Variants in EXT1 observed in about 807,000 individuals in gnomAD.
EXT1 encodes the protein exostosin-1.
EXT1 carries 20 observed loss-of-function variants against 82.5 expected under a neutral mutation model. That is an observed-to-expected ratio of 0.24 (90% CI 0.17 to 0.35). The LOEUF (loss-of-function observed/expected upper bound fraction) is 0.35. Among genes scored for constraint, EXT1 ranks in the 10% least tolerant of loss-of-function variants. EXT1 has a pLI of 1.00. For synonymous variants in EXT1, 348 were observed against 350.8 expected (o/e 0.99, Z 0.09); for missense variants, 757 against 936.5 (o/e 0.81, Z 2.50).
At position 118,087,939 on chromosome 8, in the gene EXT1, C is replaced by CAAA. The variant is rs10706033; in HGVS notation, c.962+22143_962+22145dup. 5.6e-3 allele frequency among the ~76,000 whole-genome samples: 473 copies of CAAA among 83,888 alleles called. 3 individuals are homozygous for CAAA. The highest frequency in any genetic ancestry group is 0.016 in the African/African-American group (441 of 26,848). The allele number at this position is 83,888 out of a possible 152,430, so 55.0% of individuals were successfully genotyped here. On this transcript the variant is annotated intron_variant, in intron 1 of 10. Coordinates refer to ENST00000378204, the MANE Select transcript of EXT1 (RefSeq NM_000127.3). ...CCTATTTGTTTTATTCGTTTCAGGGCAAAAAAAAAAAAAAAAAAAAATCCT... is the reference window on the plus strand; with the variant it reads ...CCTATTTGTTTTATTCGTTTCAGGGCAAAAAAAAAAAAAAAAAAAAAAAATCCT...
At chr8:117,956,376 G>T (rs1054984609) in intron 1 of EXT1, among the ~76,000 whole-genome samples, 1 of 152,108 alleles carries the variant, frequency 6.6e-6, no homozygotes, top group African/African-American at 2.4e-5. Flanking sequence ...CATTCTATGA[G>T]AATCTACCAA....
At chr8:117,840,886 G>A (rs1812264860) in intron 1 of EXT1, among the ~76,000 whole-genome samples, 1 of 152,118 alleles carries the variant, frequency 6.6e-6, no homozygotes, top group Non-Finnish European at 1.5e-5. Context: ...CACCCACTGG[G>A]ATGGCTATAA....
At chr8:117,938,830 G>A (rs546542706) in intron 1 of EXT1, among the ~76,000 whole-genome samples, 2 of 152,176 alleles carry the variant, frequency 1.3e-5, no homozygotes, top group Non-Finnish European at 2.9e-5. Context: ...ATAAATAAGT[G>A]TTAACACATA....
At chr8:117,907,519 T>C (rs1042958656) in intron 1 of EXT1, among the ~76,000 whole-genome samples, 2 of 152,234 alleles carry the variant, frequency 1.3e-5, no homozygotes, top group African/African-American at 4.8e-5. Flanking sequence ...TGAATTCACC[T>C]GCTTACTGTT....
chr8:118,086,715 CAATGCAAAAAGAT>C (rs554040587), intron 1 of EXT1, among the ~76,000 whole-genome samples: 1 of 151,890 alleles, frequency 6.6e-6, no homozygotes, highest in Non-Finnish European at 1.5e-5. Flanking sequence ...AGTATAATTT[CAATGCAAAAAGAT>C]AATGTAAAAA....
At chr8:117,968,549 A>ATTTATT (rs1814871631) in intron 1 of EXT1, among the ~76,000 whole-genome samples, 1 of 11,318 alleles carries the variant, frequency 8.8e-5, no homozygotes, top group Non-Finnish European at 1.8e-4. Context: ...TTATTTATTT[A>ATTTATT]TTTATTTTTT....
At chr8:117,894,969 T>C (rs186339914) in intron 1 of EXT1, among the ~76,000 whole-genome samples, 162 of 152,256 alleles carry the variant, frequency 1.1e-3, no homozygotes, top group African/African-American at 3.8e-3. Flanking sequence ...TCACTGAATA[T>C]AAATAGGCTG....
chr8:117,894,282 T>G (rs1459583753), intron 1 of EXT1, among the ~76,000 whole-genome samples: 1 of 152,158 alleles, frequency 6.6e-6, no homozygotes, highest in Admixed American at 6.5e-5. Context: ...CAAGCAATCC[T>G]TCTGCCGCAG....
At chr8:117,846,706 C>T (rs978877170) in intron 1 of EXT1, among the ~76,000 whole-genome samples, 1 of 152,062 alleles carries the variant, frequency 6.6e-6, no homozygotes, top group African/African-American at 2.4e-5. Flanking sequence ...AACTACCTTT[C>T]GCCAGGCTCT....
intron 7 of EXT1, among the ~76,000 whole-genome samples, chr8:117,817,174 C>G (rs11779439): frequency 0.17 from 25,677 of 152,144 alleles, 2,489 homozygotes; most frequent in Non-Finnish European, 0.2. Context: ...TCACATTCCC[C>G]ACTGTGTTCC....
At chr8:117,995,893 G>A (rs1304698233) in intron 1 of EXT1, among the ~76,000 whole-genome samples, 1 of 152,152 alleles carries the variant, frequency 6.6e-6, no homozygotes, top group African/African-American at 2.4e-5. Flanking sequence ...AAGTAACCAA[G>A]TAGGGATTCA....
At chr8:118,042,430 G>A (rs1291429197) in intron 1 of EXT1, among the ~76,000 whole-genome samples, 1 of 152,002 alleles carries the variant, frequency 6.6e-6, no homozygotes, top group East Asian at 1.9e-4. Context: ...GAGTAGCTGC[G>A]ATTACAGGCA....
Position 117,818,518 on chromosome 8 carries a change from A to G in EXT1, c.1549T>C (p.Trp517Arg). ...GCTGGTAGGGGCTTGTCACAATTCC[A>G]TAGAACTATGATCTGAAAGGGATGG... Reference protein sequence around the residue: ...SQYCAQIIVLWNCDKPLPAKH... With the variant: ...SQYCAQIIVLRNCDKPLPAKH... The change falls in exon 7 of 11, where the codon TGG becomes CGG. Residue 517 changes from tryptophan to arginine, a missense_variant. Trp to Arg is a moderately radical substitution (Grantham distance 101). Transcript: ENST00000378204. 1 of 1,614,060 alleles carries G rather than the reference A, an allele frequency of 6.2e-7. No individual in the cohort carries two copies. Among genetic ancestry groups the G allele is most frequent in the Non-Finnish European group, 8.5e-7 (1 of 1,179,916 alleles).
chr8:117,830,160 A>G lies in EXT1; in HGVS notation c.1284+70T>C, dbSNP rs538935635. 28 of 1,606,836 alleles carry G rather than the reference A, an allele frequency of 1.7e-5. No homozygotes were observed. The Admixed American group carries it at 4.7e-4, about 27-fold the overall frequency. On this transcript the variant is annotated intron_variant, in intron 4 of 10. Transcript: ENST00000378204. The stretch of plus-strand genomic sequence containing the variant: ...GGACCAATCACACATCCCTAATAGC[A>G]AAACAGAAGGCTGAGAGAAGTGTAT...
chr8:118,107,124 G>C (rs1168386819), intron 1 of EXT1, among the ~76,000 whole-genome samples: 1 of 151,978 alleles, frequency 6.6e-6, no homozygotes, highest in Non-Finnish European at 1.5e-5. Context: ...TTCACCAAAA[G>C]CAACCTTTTT....
intron 1 of EXT1, among the ~76,000 whole-genome samples, chr8:118,102,469 A>G (rs1817736914): frequency 6.6e-6 from 1 of 152,180 alleles, no homozygotes. Context: ...TCTGACTTCA[A>G]CTTTACAAAA....
intron 8 of EXT1, among the ~76,000 whole-genome samples, chr8:117,809,153 GTGTATGTATGTA>G (rs956156843): frequency 6.8e-5 from 10 of 147,606 alleles, no homozygotes; most frequent in East Asian, 2.0e-4. Flanking sequence ...CTCTCTCTCA[GTGTATGTATGTA>G]TGTATGTATG....
intron 1 of EXT1, among the ~76,000 whole-genome samples, chr8:117,874,239 T>G (rs1310869813): frequency 6.6e-6 from 1 of 152,184 alleles, no homozygotes; most frequent in Admixed American, 6.5e-5. Context: ...TTGTCAAGTT[T>G]GTATGACAAT....
At chr8:118,070,909 T>C (rs1378759276) in intron 1 of EXT1, among the ~76,000 whole-genome samples, 1 of 152,132 alleles carries the variant, frequency 6.6e-6, no homozygotes, top group Admixed American at 6.5e-5. Flanking sequence ...TATAAAACCA[T>C]ATGAAATATT....
Sources: allele counts gnomAD v4.1 joint callset (sites outside exome capture counted in the v4.1 genomes callset), GRCh38; gene constraint gnomAD v4.1.1; transcripts MANE v1.5; gene names NCBI Gene and HGNC (gene_info 2026-07-23, HGNC 2026-07-21).